SLC4A10: variants seen among roughly 807,000 people sequenced by gnomAD.
SLC4A10 encodes sodium-driven chloride bicarbonate exchanger.
In SLC4A10, 42 loss-of-function variants were observed where a neutral mutation model predicts 137.7. The observed-to-expected ratio is 0.30, with a 90% CI of 0.24 to 0.39. SLC4A10 has a LOEUF of 0.39. Ranked by LOEUF, SLC4A10 falls within the 10% of genes least tolerant of loss-of-function variation. The pLI, the probability that SLC4A10 is intolerant of heterozygous loss-of-function variation, is 1.00. For missense variants in SLC4A10, 925 were observed against 1,355.0 expected (o/e 0.68, Z 4.98); for synonymous variants, 474 against 464.1 (o/e 1.02, Z -0.27).
At chr2:161,706,768 T>G (rs1271554902) in intron 1 of SLC4A10, among the ~76,000 whole-genome samples, 1 of 151,600 alleles carries the variant, frequency 6.6e-6, no homozygotes, top group Non-Finnish European at 1.5e-5. Context: ...GTATTTGCCA[T>G]TCCTTGAATG....
intron 2 of SLC4A10, among the ~76,000 whole-genome samples, chr2:161,786,976 A>C (rs1326283614): frequency 6.6e-6 from 1 of 151,862 alleles, no homozygotes; most frequent in African/African-American, 2.4e-5. Flanking sequence ...TTTTGTACTT[A>C]TATGAGCTTT....
chr2:161,847,085 C>CAA (rs112754742), intron 4 of SLC4A10, among the ~76,000 whole-genome samples: 5,931 of 139,252 alleles, frequency 0.043, 287 homozygotes, highest in African/African-American at 0.12. Context: ...TAAAAAAATA[C>CAA]AAAAAAAAAA....
At chr2:161,697,779 G>A (rs2042696018) in intron 1 of SLC4A10, among the ~76,000 whole-genome samples, 1 of 152,148 alleles carries the variant, frequency 6.6e-6, no homozygotes, top group African/African-American at 2.4e-5. Context: ...GGATTGACTT[G>A]GTGATGCGGA....
At chr2:161,855,261 G>T in intron 5 of SLC4A10, 131 bp downstream of exon 5, 1 of 803,530 alleles carries the variant, frequency 1.2e-6, no homozygotes, top group East Asian at 3.1e-5. Context: ...GGTCTTAAAA[G>T]TCATTTTCTT....
intron 1 of SLC4A10, among the ~76,000 whole-genome samples, chr2:161,685,881 G>A (rs184463781): frequency 6.0e-4 from 91 of 152,192 alleles, no homozygotes; most frequent in African/African-American, 1.8e-3. Context: ...TCCCTCTACT[G>A]GAGATTTTGT....
At chr2:161,837,721 G>A (rs1222616433) in intron 3 of SLC4A10, among the ~76,000 whole-genome samples, 1 of 152,142 alleles carries the variant, frequency 6.6e-6, no homozygotes, top group Non-Finnish European at 1.5e-5. Flanking sequence ...TCAAAAAAGT[G>A]TGGTATTGTC....
rs144251917 is a variant in SLC4A10 at position 161,748,436 on chromosome 2, TTG to T, written c.49-22502_49-22501del. ...GTCTATGTCTTAAGCCATTTTGAGT[TTG>T]TGTGTGTGTGTGTGTGTGTGTGTGT... On this transcript the variant is annotated intron_variant, in intron 1 of 26. Transcript: ENST00000446997. Among the ~76,000 whole-genome samples the T allele has an allele frequency of 7.7e-3, 1,098 of 141,726 alleles. 3 individuals carry two copies. Among genetic ancestry groups the T allele is most frequent in the South Asian group, 0.012 (52 of 4,426 alleles). 93.0% of individuals were successfully genotyped at this position (141,726 alleles called of 152,430 possible).
chr2:161,940,427 G>A (rs190688024), intron 15 of SLC4A10, among the ~76,000 whole-genome samples: 277 of 152,258 alleles, frequency 1.8e-3, no homozygotes, highest in African/African-American at 6.4e-3. Flanking sequence ...CTGGAACACT[G>A]AGAATAGTAT....
At chr2:161,859,574 TTTTTCTTTTC>T (rs1169168918) in intron 5 of SLC4A10, among the ~76,000 whole-genome samples, 7 of 141,196 alleles carry the variant, frequency 5.0e-5, no homozygotes, top group African/African-American at 1.3e-4. Flanking sequence ...ATTTGTCCTT[TTTTTCTTTTC>T]TTTTCTTTTC....
At chr2:161,947,748 T>C in intron 17 of SLC4A10, 21 bp downstream of exon 17, 5 of 1,603,510 alleles carry the variant, frequency 3.1e-6, no homozygotes, top group South Asian at 1.1e-5. Context: ...TATTTCTTGA[T>C]CTAAATGTAA....
rs74776257 is a variant in SLC4A10, at chr2:161,768,613, A to G, written c.49-2360A>G. ...TCAAGTTAGACTTGTTTACTGACCTAGAACCTGACCTTTTTTCTTCTACAG... is the reference window on the plus strand; with the variant it reads ...TCAAGTTAGACTTGTTTACTGACCTGGAACCTGACCTTTTTTCTTCTACAG... On this transcript the variant is annotated intron_variant, in intron 1 of 26. Transcript: ENST00000446997. Among the ~76,000 whole-genome samples the G allele has an allele frequency of 3.6e-3, 541 of 152,116 alleles. 5 individuals are homozygous for G. Among genetic ancestry groups the G allele is most frequent in the Admixed American group, 0.018 (272 of 15,218 alleles).
intron 19 of SLC4A10, among the ~76,000 whole-genome samples, chr2:161,953,348 G>A (rs1418391204): frequency 1.3e-5 from 2 of 152,046 alleles, no homozygotes; most frequent in Non-Finnish European, 2.9e-5. Context: ...AGTGGCTCAC[G>A]CCTGTAATCC....
intron 1 of SLC4A10, among the ~76,000 whole-genome samples, chr2:161,666,195 C>T (rs1461149746): frequency 6.6e-6 from 1 of 151,344 alleles, no homozygotes; most frequent in African/African-American, 2.4e-5. Flanking sequence ...ACAGTAATTG[C>T]AAATAATGAA....
At chr2:161,635,278 T>A (rs1235434265) in intron 1 of SLC4A10, among the ~76,000 whole-genome samples, 2 of 152,076 alleles carry the variant, frequency 1.3e-5, no homozygotes, top group East Asian at 3.9e-4. Context: ...CCTTGTTTGA[T>A]GAGAGGAATG....
intron 1 of SLC4A10, among the ~76,000 whole-genome samples, chr2:161,758,632 T>C (rs137922096): frequency 2.9e-3 from 434 of 152,122 alleles, no homozygotes; most frequent in African/African-American, 8.0e-3. Flanking sequence ...TAATTAATGA[T>C]AAGAAGGCTG....
At chr2:161,770,197 A>G (rs2051409186) in intron 1 of SLC4A10, among the ~76,000 whole-genome samples, 1 of 151,836 alleles carries the variant, frequency 6.6e-6, no homozygotes, top group East Asian at 1.9e-4. Context: ...TGGAAATATA[A>G]TAGTTTACAT....
At chr2:161,904,751 T>C in intron 13 of SLC4A10, 25 bp from the exon 14 acceptor site, 1 of 1,612,986 alleles carries the variant, frequency 6.2e-7, no homozygotes. Flanking sequence ...GCTTAGGTAA[T>C]TGAACCATTT....
chr2:161,767,157 G>GTT (rs2050952050), intron 1 of SLC4A10, among the ~76,000 whole-genome samples: 1 of 112,522 alleles, frequency 8.9e-6, no homozygotes, highest in African/African-American at 3.2e-5. Context: ...GTGTGTGTGT[G>GTT]TGTGTGTTTT....
chr2:161,770,105 T>C (rs2051393084), intron 1 of SLC4A10, among the ~76,000 whole-genome samples: 1 of 152,084 alleles, frequency 6.6e-6, no homozygotes, highest in African/African-American at 2.4e-5. Context: ...TCACCTTTAG[T>C]ATATCTTTTT....
Sources: gnomAD v4.1 joint callset for allele counts (sites outside exome capture counted in the v4.1 genomes callset) on GRCh38, gnomAD v4.1.1 for gene constraint, MANE v1.5 for transcripts, NCBI Gene and HGNC (gene_info 2026-07-23, HGNC 2026-07-21) for gene names.